The following NCOR2 variants were observed in gnomAD, a reference collection of about 807,000 sequenced individuals.
NCOR2 encodes CTG repeat protein 26.
A neutral mutation model predicts 262.9 loss-of-function variants in NCOR2; 81 were observed. The ratio of observed to expected loss-of-function variants is 0.31; its 90% CI spans 0.26 to 0.37. The LOEUF is 0.37. NCOR2 is among the 10% of genes least tolerant of loss of function. The probability of loss-of-function intolerance (pLI) is 1.00; values close to 1 mark genes in which losing one functional copy is unlikely to be tolerated. For missense variants in NCOR2, 3,385 were observed against 3,621.4 expected (o/e 0.93, Z 1.68); for synonymous variants, 1,659 against 1,559.3 (o/e 1.06, Z -1.51).
chr12:124,453,014 C>T (rs1033887858), intron 6 of NCOR2, among the ~76,000 whole-genome samples: 7 of 152,138 alleles, frequency 4.6e-5, no homozygotes, highest in African/African-American at 1.7e-4. Flanking sequence ...CCTGGAATGC[C>T]GTGCACCGCC....
chr12:124,550,205 C>T (rs1470289354), intron 1 of NCOR2, among the ~76,000 whole-genome samples: 1 of 152,164 alleles, frequency 6.6e-6, no homozygotes, highest in Non-Finnish European at 1.5e-5. Flanking sequence ...AGAACCCTGC[C>T]GTTCTTACCA....
chr12:124,351,109 G>A (rs1012928051), intron 27 of NCOR2, among the ~76,000 whole-genome samples: 3 of 152,144 alleles, frequency 2.0e-5, no homozygotes, highest in Non-Finnish European at 2.9e-5. Context: ...AGGGGCAGGC[G>A]GGGACTTGAA....
chr12:124,337,756 A>T (rs1232798210), intron 37 of NCOR2, among the ~76,000 whole-genome samples: 4 of 152,068 alleles, frequency 2.6e-5, no homozygotes, highest in South Asian at 4.2e-4. Context: ...TGCTGTTCCC[A>T]GCTCTGTGAG....
At position 124,548,434 on chromosome 12, in the gene NCOR2, A is replaced by AC. The variant is rs1346533162; in HGVS notation, c.-164-12824dup. ...CAGGTGTGACCAGAGTGGACTGGGG[A>AC]CCCCGAAGAGGCTACTGCAGTCGTC... On this transcript the variant is annotated intron_variant, in intron 1 of 32. Coordinates refer to the NCOR2 transcript ENST00000458234. The surrounding 1 kb of genome is among the most constrained non-coding windows in gnomAD (Gnocchi z 5.1). Among the ~76,000 whole-genome samples, 1 of 151,918 alleles carries AC rather than the reference A, an allele frequency of 6.6e-6. No individual in the cohort carries two copies. The highest frequency in any genetic ancestry group is 1.5e-5 in the Non-Finnish European group (1 of 67,980).
intron 7 of NCOR2, among the ~76,000 whole-genome samples, chr12:124,446,197 A>G (rs979973516): frequency 2.6e-5 from 4 of 151,974 alleles, no homozygotes; most frequent in African/African-American, 9.7e-5. Flanking sequence ...AACATTATGC[A>G]CCCTCAGCTT....
At chr12:124,460,504 C>T (rs1418946259) in intron 5 of NCOR2, among the ~76,000 whole-genome samples, 2 of 152,222 alleles carry the variant, frequency 1.3e-5, no homozygotes, top group East Asian at 3.8e-4. Context: ...GGCACTTTCT[C>T]CAGGGCCATG....
intron 5 of NCOR2, 131 bp downstream of exon 7, chr12:124,466,042 T>C: frequency 1.1e-6 from 1 of 884,770 alleles, no homozygotes; most frequent in Non-Finnish European, 1.7e-6. Context: ...AAACCCTGCG[T>C]CTCTGGGGGA....
In NCOR2 at chr12:124,521,956, G is replaced by A. The variant is rs147056365; in HGVS notation, c.-118+13609C>T. ...TTGCTTGAACCAGGAGGCAGAGGCT[G>A]CAGTGAGCCAAGATCATGCCACTGC... is the stretch of plus-strand genomic sequence containing the variant. On this transcript the variant is annotated intron_variant, in intron 1 of 46. Transcript: ENST00000404621. Among the ~76,000 whole-genome samples, 19 of 152,298 alleles carry A rather than the reference G, an allele frequency of 1.2e-4. No individual in the cohort carries two copies. In the East Asian group the frequency reaches 3.7e-3, roughly 29 times the overall value.
intron 1 of NCOR2, among the ~76,000 whole-genome samples, chr12:124,552,258 C>G (rs1348467420): frequency 6.6e-6 from 1 of 151,896 alleles, no homozygotes; most frequent in Non-Finnish European, 1.5e-5. Context: ...GAGGTCGAGG[C>G]TGCAGTGAGC....
In NCOR2 at chr12:124,426,857, G is replaced by A. The variant is rs2043579161; in HGVS notation, c.1150-57C>T. 1.4e-5 allele frequency: 20 copies of A among 1,477,380 alleles called. 1 individual carries two copies. The highest frequency in any genetic ancestry group is 2.4e-4 in the Middle Eastern group (1 of 4,146). The allele number at this position is 1,477,380 out of a possible 1,614,324, so 91.5% of individuals were successfully genotyped here. A position where few individuals can be genotyped will look rare whatever the true frequency, so the allele number is the denominator to read the frequency against. On this transcript the variant is annotated intron_variant, in intron 10 of 46. Coordinates refer to ENST00000405201, the Ensembl canonical transcript of NCOR2. ...CCAGGGACGAGGTGCTCCGGCCGGC[G>A]CAGGGGACCCAGGGAAGACACAGAG... is the stretch of plus-strand genomic sequence containing the variant.
At chr12:124,480,583 C>T (rs982813920) in intron 3 of NCOR2, among the ~76,000 whole-genome samples, 20 of 152,252 alleles carry the variant, frequency 1.3e-4, no homozygotes, top group East Asian at 3.9e-4. Flanking sequence ...TCCTCACCAC[C>T]GCCACCGTCT....
At chr12:124,388,952 G>C in intron 16 of NCOR2, 1 of 449,770 alleles carries the variant, frequency 2.2e-6, no homozygotes, top group Non-Finnish European at 3.6e-6. Flanking sequence ...CGGGCGGGAG[G>C]CAGCTCCTCA....
At chr12:124,506,776 G>C (rs837936) in intron 1 of NCOR2, among the ~76,000 whole-genome samples, 101,381 of 152,110 alleles carry the variant, frequency 0.67, 36,790 homozygotes, top group East Asian at 0.88. Context: ...GAGGAGGCTG[G>C]TGTCTGGGCA....
chr12:124,360,065 T>C (rs1299345187), intron 22 of NCOR2, among the ~76,000 whole-genome samples: 3 of 152,160 alleles, frequency 2.0e-5, no homozygotes, highest in Non-Finnish European at 2.9e-5. Flanking sequence ...GCTCCCTTTC[T>C]CCCAGGACAG....
intron 10 of NCOR2, 84 bp from the exon 13 acceptor site, chr12:124,426,884 G>T: frequency 7.4e-7 from 1 of 1,343,370 alleles, no homozygotes; most frequent in Non-Finnish European, 1.0e-6. Flanking sequence ...GACACAGAGG[G>T]GACGGATGGT....
At chr12:124,515,213 C>T (rs1274792459) in intron 1 of NCOR2, among the ~76,000 whole-genome samples, 1 of 151,904 alleles carries the variant, frequency 6.6e-6, no homozygotes, top group African/African-American at 2.4e-5. Flanking sequence ...ACTAAAAATA[C>T]AAACATTAGC....
intron 1 of NCOR2, among the ~76,000 whole-genome samples, chr12:124,530,857 G>A (rs1209109202): frequency 6.6e-6 from 1 of 152,214 alleles, no homozygotes; most frequent in Admixed American, 6.5e-5. Flanking sequence ...GCTGCCAGGT[G>A]ATAAATGGTC....
chr12:124,370,828 G>A (rs926233758), intron 20 of NCOR2, among the ~76,000 whole-genome samples: 23 of 152,138 alleles, frequency 1.5e-4, no homozygotes, highest in Non-Finnish European at 2.9e-4. Context: ...CAAACAGGAC[G>A]ACACTGGGGT....
intron 13 of NCOR2, among the ~76,000 whole-genome samples, chr12:124,412,515 G>A (rs567857986): frequency 6.6e-6 from 1 of 152,378 alleles, no homozygotes; most frequent in Admixed American, 6.5e-5. Context: ...CGGCTGTCAG[G>A]CGCGCTGACA....
Sources: allele counts gnomAD v4.1 joint callset (sites outside exome capture counted in the v4.1 genomes callset), GRCh38; gene constraint gnomAD v4.1.1; non-coding constraint Gnocchi (gnomAD v3.1); transcripts MANE v1.5; gene names NCBI Gene and HGNC (gene_info 2026-07-23, HGNC 2026-07-21).